Variants in SPIRE1 observed in about 807,000 individuals in gnomAD.
SPIRE1 encodes the protein spire type actin nucleation factor 1.
In SPIRE1, 40 loss-of-function variants were observed where a neutral mutation model predicts 94.1. That is an observed-to-expected ratio of 0.43 (90% CI 0.33 to 0.55). The LOEUF is 0.55. Among genes scored for constraint, SPIRE1 ranks in the 20% least tolerant of loss-of-function variants. The probability of loss-of-function intolerance (pLI) is 0.06; values close to 1 mark genes in which losing one functional copy is unlikely to be tolerated. For missense variants in SPIRE1, 838 were observed against 975.2 expected, an observed-to-expected ratio of 0.86 and a Z score of 1.87; for synonymous variants, 376 against 371.7, an observed-to-expected ratio of 1.01 and a Z score of -0.13.
At chr18:12,533,001 C>A (rs145351223) in intron 4 of SPIRE1, among the ~76,000 whole-genome samples, 1 of 152,064 alleles carries the variant, frequency 6.6e-6, no homozygotes, top group Admixed American at 6.5e-5. Context: ...ATCGGCTTCC[C>A]GCAGGAGGAA....
intron 6 of SPIRE1, among the ~76,000 whole-genome samples, chr18:12,501,584 A>T (rs2033668015): frequency 6.6e-6 from 1 of 152,160 alleles, no homozygotes; most frequent in South Asian, 2.1e-4. Flanking sequence ...GGGTTTGACC[A>T]TGGTGGCCAG....
Position 12,658,067 on chromosome 18 carries a change from C to G in SPIRE1, c.-201G>C, listed in dbSNP as rs1034336861. The G allele has an allele frequency of 2.6e-5, 26 of 992,646 alleles. No individual in the cohort carries two copies. The highest frequency in any genetic ancestry group is 7.0e-5 in the African/African-American group (4 of 57,054). 61.5% of individuals were successfully genotyped at this position (992,646 alleles called of 1,614,324 possible). A position where few individuals can be genotyped will look rare whatever the true frequency, so the allele number is the denominator to read the frequency against. ...GGCGGCGAGGACACGGCTGCAGTCC[C>G]GGTCAGACAGCCGCCGGCCGGTAGC... On this transcript the variant is annotated 5_prime_UTR_variant, in exon 1 of 17. Coordinates refer to ENST00000409402, the MANE Select transcript of SPIRE1 (RefSeq NM_001128626.2).
chr18:12,633,718 A>T (rs67045810), intron 2 of SPIRE1, among the ~76,000 whole-genome samples: 59,218 of 152,050 alleles, frequency 0.39, 12,226 homozygotes, highest in East Asian at 0.6. Flanking sequence ...AAAACCTACA[A>T]CAATATGTAG....
intron 6 of SPIRE1, among the ~76,000 whole-genome samples, chr18:12,500,142 A>AG (rs1052664163): frequency 1.3e-5 from 2 of 152,104 alleles, no homozygotes; most frequent in Non-Finnish European, 2.9e-5. Context: ...GGAGGTTGGG[A>AG]GGGGGGTCAG....
intron 2 of SPIRE1, among the ~76,000 whole-genome samples, chr18:12,565,896 T>C (rs984614336): frequency 6.6e-6 from 1 of 150,886 alleles, no homozygotes; most frequent in Non-Finnish European, 1.5e-5. Flanking sequence ...TGGCTGGGCA[T>C]GGTGGTGCAC....
intron 3 of SPIRE1, 66 bp downstream of exon 3, chr18:12,546,608 G>A (rs1445681246): frequency 1.7e-6 from 2 of 1,205,130 alleles, no homozygotes; most frequent in Admixed American, 1.8e-5. Context: ...CTCCAGGGGG[G>A]GAAAAAAAAG....
At chr18:12,635,705 T>C (rs992855356) in intron 1 of SPIRE1, among the ~76,000 whole-genome samples, 1 of 152,190 alleles carries the variant, frequency 6.6e-6, no homozygotes, top group Non-Finnish European at 1.5e-5. Flanking sequence ...CCATCACTGA[T>C]ACATAATACC....
At chr18:12,570,115 G>GTTAT (rs2035926126) in intron 2 of SPIRE1, among the ~76,000 whole-genome samples, 1 of 152,114 alleles carries the variant, frequency 6.6e-6, no homozygotes, top group South Asian at 2.1e-4. Flanking sequence ...CCATCACCAC[G>GTTAT]TTATTCCCCT....
chr18:12,523,627 T>G (rs2034424406), intron 4 of SPIRE1, among the ~76,000 whole-genome samples: 1 of 152,226 alleles, frequency 6.6e-6, no homozygotes, highest in Admixed American at 6.5e-5. Context: ...GCAAAAAGAT[T>G]ACAACTCACT....
At chr18:12,478,620 C>G (rs1056939323) in intron 10 of SPIRE1, among the ~76,000 whole-genome samples, 3 of 148,886 alleles carry the variant, frequency 2.0e-5, no homozygotes, top group African/African-American at 7.4e-5. Flanking sequence ...TGTGTGTGTG[C>G]GCGCGCATGC....
intron 4 of SPIRE1, among the ~76,000 whole-genome samples, chr18:12,527,633 T>C (rs2034559938): frequency 6.6e-6 from 1 of 152,180 alleles, no homozygotes; most frequent in Admixed American, 6.5e-5. Context: ...GAGAGCAGAA[T>C]GAATATGAAG....
intron 1 of SPIRE1, among the ~76,000 whole-genome samples, chr18:12,648,890 CAAAAAAAAAAAA>C (rs56696562): frequency 2.3e-5 from 2 of 85,522 alleles, no homozygotes; most frequent in Admixed American, 1.5e-4. Context: ...AACTCCGTCT[CAAAAAAAAAAAA>C]AAAAAAAAAG....
intron 3 of SPIRE1, among the ~76,000 whole-genome samples, chr18:12,537,570 T>C (rs2034877879): frequency 6.6e-6 from 1 of 152,204 alleles, no homozygotes. Context: ...AGGTAATAGC[T>C]AGGTCTAAAA....
intron 4 of SPIRE1, among the ~76,000 whole-genome samples, chr18:12,519,990 G>A (rs2034313888): frequency 6.6e-6 from 1 of 152,080 alleles, no homozygotes; most frequent in African/African-American, 2.4e-5. Flanking sequence ...AATTATCCAT[G>A]ACACCACTGT....
chr18:12,657,130 G>A (rs938365958), intron 1 of SPIRE1, among the ~76,000 whole-genome samples: 2 of 152,192 alleles, frequency 1.3e-5, no homozygotes, highest in African/African-American at 2.4e-5. Flanking sequence ...TCCCCACCCC[G>A]TGAACCCGGC....
chr18:12,552,706 G>A (rs527653388), intron 2 of SPIRE1, among the ~76,000 whole-genome samples: 2 of 152,036 alleles, frequency 1.3e-5, no homozygotes, highest in African/African-American at 2.4e-5. Flanking sequence ...CCCCAGTCAC[G>A]TACCCCCTGC....
At chr18:12,622,508 C>T (rs1026209469) in intron 2 of SPIRE1, among the ~76,000 whole-genome samples, 7 of 146,134 alleles carry the variant, frequency 4.8e-5, no homozygotes, top group Admixed American at 1.4e-4. Context: ...CTGCAAGCTC[C>T]GCCTCCCCGG....
intron 6 of SPIRE1, among the ~76,000 whole-genome samples, chr18:12,498,370 G>A (rs2033536506): frequency 6.6e-6 from 1 of 152,130 alleles, no homozygotes. Flanking sequence ...TAGAAATTTG[G>A]TATTATTTTT....
At chr18:12,541,611 A>G (rs1199193806) in intron 3 of SPIRE1, among the ~76,000 whole-genome samples, 1 of 152,112 alleles carries the variant, frequency 6.6e-6, no homozygotes, top group Non-Finnish European at 1.5e-5. Context: ...TCCATTTTAT[A>G]TTAAAATAAT....
Sources: gnomAD v4.1 joint callset for allele counts (sites outside exome capture counted in the v4.1 genomes callset) on GRCh38, gnomAD v4.1.1 for gene constraint, MANE v1.5 for transcripts, NCBI Gene and HGNC (gene_info 2026-07-23, HGNC 2026-07-21) for gene names.